Variants in DIAPH1 observed in about 807,000 individuals in gnomAD.
DIAPH1 encodes diaphanous related formin 1.
Under a neutral mutation model 140.7 loss-of-function variants are expected in DIAPH1, and 46 were observed. The ratio of observed to expected loss-of-function variants is 0.33; its 90% CI spans 0.26 to 0.42. The LOEUF (loss-of-function observed/expected upper bound fraction) is 0.42. Among genes scored for constraint, DIAPH1 ranks in the 10% least tolerant of loss-of-function variants. The probability of loss-of-function intolerance (pLI) is 1.00; values close to 1 mark genes in which losing one functional copy is unlikely to be tolerated. For missense variants in DIAPH1, 1,310 were observed against 1,558.7 expected (o/e 0.84, Z 2.69); for synonymous variants, 565 against 551.6 (o/e 1.02, Z -0.34).
At chr5:141,555,529 CA>C (rs1199631059) in intron 18 of DIAPH1, among the ~76,000 whole-genome samples, 7 of 152,160 alleles carry the variant, frequency 4.6e-5, no homozygotes, top group African/African-American at 1.7e-4. Context: ...ACAACCTTAT[CA>C]ATGCTTGGGT....
chr5:141,517,677 C>T (rs2099885895), intron 27 of DIAPH1, among the ~76,000 whole-genome samples: 1 of 148,270 alleles, frequency 6.7e-6, no homozygotes, highest in Non-Finnish European at 1.5e-5. Flanking sequence ...GGTGGCATGG[C>T]GGGGGGGAGG....
chr5:141,559,735 G>A (rs1373709737), intron 18 of DIAPH1, among the ~76,000 whole-genome samples: 1 of 152,114 alleles, frequency 6.6e-6, no homozygotes, highest in Non-Finnish European at 1.5e-5. Context: ...AGGACTGGAA[G>A]GACAGGCACT....
intron 2 of DIAPH1, 30 bp from the exon 3 acceptor site, chr5:141,587,227 A>T: frequency 1.2e-6 from 2 of 1,611,270 alleles, no homozygotes; most frequent in Non-Finnish European, 1.7e-6. Context: ...ATTAGCAGTG[A>T]TCCATTTTCA....
rs369299884 is a variant in DIAPH1, at chr5:141,528,505, G to A, written c.3096C>T (p.Pro1032=). The A allele has an allele frequency of 6.9e-5, 112 of 1,614,184 alleles. No individual in the cohort carries two copies. The highest frequency in any genetic ancestry group is 4.5e-4 in the Admixed American group (27 of 60,020). Residue 1032 remains proline (P), a synonymous_variant, in exon 23 of 28, where the codon CCC becomes CCT. Coordinates refer to ENST00000389054, the MANE Select transcript of DIAPH1 (RefSeq NM_005219.5). Reference sequence around the variant, plus strand: ...GCTCGTCTGGAAACTTGAGGACATCGGGATAGTCATTCTCACACAACTCAG... The same window carrying A: ...GCTCGTCTGGAAACTTGAGGACATCAGGATAGTCATTCTCACACAACTCAG... ...FLAELCENDY[P]DVLKFPDELA...
rs550645449 is a variant in DIAPH1 at position 141,557,538 on chromosome 5, G to C, written c.2482+13890C>G. ...TGGGGCATTTGATTCTTCCCAGACAGCTAAGTGAAAGGGGTTCCTTTTTTT... is the reference window on the plus strand; with the variant it reads ...TGGGGCATTTGATTCTTCCCAGACACCTAAGTGAAAGGGGTTCCTTTTTTT... On this transcript the variant is annotated intron_variant, in intron 18 of 27. Coordinates refer to ENST00000389054, the MANE Select transcript of DIAPH1 (RefSeq NM_005219.5). Among the ~76,000 whole-genome samples, 19 of 152,270 alleles carry C rather than the reference G, an allele frequency of 1.2e-4. No homozygotes were observed. In the South Asian group the frequency reaches 3.9e-3, roughly 32 times the overall value.
chr5:141,612,796 G>A (rs1254722300), intron 1 of DIAPH1, among the ~76,000 whole-genome samples: 1 of 152,020 alleles, frequency 6.6e-6, no homozygotes, highest in East Asian at 1.9e-4. Flanking sequence ...TAGAGATGAA[G>A]GGTATCTTTT....
intron 27 of DIAPH1, chr5:141,519,072 G>A: frequency 7.4e-7 from 1 of 1,343,900 alleles, no homozygotes. Flanking sequence ...TCATAGGTAT[G>A]TGCCCGAGAC....
intron 1 of DIAPH1, among the ~76,000 whole-genome samples, chr5:141,601,450 G>T (rs1361708920): frequency 3.3e-5 from 5 of 151,970 alleles, no homozygotes; most frequent in Non-Finnish European, 7.4e-5. Context: ...ACTATATCTG[G>T]CTAACTTTTC....
intron 18 of DIAPH1, among the ~76,000 whole-genome samples, chr5:141,568,475 TAAGTA>T (rs1463168105): frequency 6.6e-6 from 1 of 152,078 alleles, no homozygotes; most frequent in African/African-American, 2.4e-5. Context: ...GTTAACTGAG[TAAGTA>T]AATACCTCAT....
At chr5:141,563,475 C>T (rs890618311) in intron 18 of DIAPH1, 5 of 152,132 alleles carry the variant, frequency 3.3e-5, no homozygotes, top group African/African-American at 1.2e-4. Context: ...TACAAACATG[C>T]TCCTCATGTA....
intron 24 of DIAPH1, among the ~76,000 whole-genome samples, chr5:141,527,320 G>A (rs2099887516): frequency 6.6e-6 from 1 of 152,100 alleles, no homozygotes; most frequent in African/African-American, 2.4e-5. Context: ...GAGGCTGAGG[G>A]GGTAAGGATC....
At chr5:141,561,744 T>C (rs1279526214) in intron 18 of DIAPH1, 1 of 152,226 alleles carries the variant, frequency 6.6e-6, no homozygotes, top group Non-Finnish European at 1.5e-5. Context: ...ACATAATTTG[T>C]TTCCTGCTTT....
chr5:141,550,760 C>A (rs555777523), intron 18 of DIAPH1, among the ~76,000 whole-genome samples: 1 of 152,330 alleles, frequency 6.6e-6, no homozygotes, highest in Admixed American at 6.5e-5. Flanking sequence ...CAGGTGCACA[C>A]CACCATGCCC....
At chr5:141,610,893 A>T (rs1043488663) in intron 1 of DIAPH1, among the ~76,000 whole-genome samples, 9 of 150,838 alleles carry the variant, frequency 6.0e-5, no homozygotes, top group African/African-American at 2.2e-4. Context: ...TGGGCAACAT[A>T]GTGAAACCCC....
At chr5:141,591,695 G>GAGATATATATATATATATATATATATAT (rs1212743856) in intron 1 of DIAPH1, among the ~76,000 whole-genome samples, 8 of 86,352 alleles carry the variant, frequency 9.3e-5, no homozygotes, top group African/African-American at 3.4e-4. Flanking sequence ...GGGAGATGGG[G>GAGATATATATATATATATATATATATAT]ATATATATAT....
Position 141,573,599 on chromosome 5 carries a change from G to A in DIAPH1, c.2251C>T (p.Pro751Ser). The A allele has an allele frequency of 6.2e-7, 1 of 1,614,090 alleles. No homozygotes were observed. Among genetic ancestry groups the A allele is most frequent in the Non-Finnish European group, 8.5e-7 (1 of 1,180,020 alleles). The change falls in exon 16 of 28, where the codon CCC (proline) becomes TCC (serine). Residue 751 changes from proline to serine, a missense_variant. Coordinates refer to ENST00000389054, the MANE Select transcript of DIAPH1 (RefSeq NM_005219.5). The stretch of plus-strand genomic sequence containing the variant: ...GCAGGAACTCCAAATCCAAATGGGG[G>A]AGGTGGAGGCATACCCATTCCGGGT... ...PPPGMGMPPP[P>S]PFGFGVPAAP...
intron 1 of DIAPH1, among the ~76,000 whole-genome samples, chr5:141,596,338 A>G (rs933676189): frequency 4.6e-5 from 7 of 151,990 alleles, no homozygotes; most frequent in African/African-American, 1.7e-4. Context: ...GTCTCAAAAA[A>G]AAAAAGTAAT....
chr5:141,546,453 C>T (rs1182627633), intron 18 of DIAPH1, among the ~76,000 whole-genome samples: 1 of 151,970 alleles, frequency 6.6e-6, no homozygotes, highest in African/African-American at 2.4e-5. Context: ...GTCAGGAGTT[C>T]AAGACCAGCC....
intron 18 of DIAPH1, among the ~76,000 whole-genome samples, chr5:141,567,831 T>TA (rs1183198385): frequency 6.6e-6 from 1 of 152,236 alleles, no homozygotes; most frequent in African/African-American, 2.4e-5. Flanking sequence ...ACCTATCTGT[T>TA]ACGGCTAACA....
Sources: allele counts gnomAD v4.1 joint callset (sites outside exome capture counted in the v4.1 genomes callset), GRCh38; gene constraint gnomAD v4.1.1; transcripts MANE v1.5; gene names NCBI Gene and HGNC (gene_info 2026-07-23, HGNC 2026-07-21).